The following TRDN variants were observed in gnomAD, a reference collection of about 807,000 sequenced individuals.
The protein encoded by TRDN is triadin in skeletal muscle.
In TRDN, 161 loss-of-function variants were observed where a neutral mutation model predicts 149.7. That is an observed-to-expected ratio of 1.08 (90% CI 0.95 to 1.23). The LOEUF (loss-of-function observed/expected upper bound fraction) is 1.23. Ranked by LOEUF, TRDN falls within the 50% of genes most tolerant of loss-of-function variation. The pLI is 0.00. For synonymous variants in TRDN, 294 were observed against 250.5 expected, an observed-to-expected ratio of 1.17 and a Z score of -1.64; for missense variants, 896 against 823.5, an observed-to-expected ratio of 1.09 and a Z score of -1.08.
At chr6:123,259,829 C>T (rs983175537) in intron 34 of TRDN, among the ~76,000 whole-genome samples, 167 bp from the exon 35 acceptor site, 2 of 151,816 alleles carry the variant, frequency 1.3e-5, no homozygotes, top group South Asian at 2.1e-4. Context: ...ATGTAGTCAC[C>T]TATAGGGTCA....
At chr6:123,342,113 C>T (rs1780085100) in intron 21 of TRDN, among the ~76,000 whole-genome samples, 1 of 151,854 alleles carries the variant, frequency 6.6e-6, no homozygotes, top group South Asian at 2.1e-4. Flanking sequence ...ATATTCTTAT[C>T]CTTATGCGCC....
chr6:123,467,034 G>A (rs554404891), intron 9 of TRDN, among the ~76,000 whole-genome samples: 1 of 151,874 alleles, frequency 6.6e-6, no homozygotes, highest in Non-Finnish European at 1.5e-5. Flanking sequence ...GAAATATAAA[G>A]TTATTACTTT....
Position 123,584,585 on chromosome 6 carries a change from G to GA in TRDN, c.23-13454dup, listed in dbSNP as rs553192867. On this transcript the variant is annotated intron_variant, in intron 1 of 40. Transcript: ENST00000334268. Reference sequence around the variant, plus strand: ...AGGGAACGCACGTGTGTTTTTATGAGATTATGCCGAGATAGGTAACAGATG... The same window carrying GA: ...AGGGAACGCACGTGTGTTTTTATGAGAATTATGCCGAGATAGGTAACAGATG... Among the ~76,000 whole-genome samples, 1,374 of 152,076 alleles carry GA rather than the reference G, an allele frequency of 9.0e-3. 8 individuals are homozygous for GA. The highest frequency in any genetic ancestry group is 0.017 in the African/African-American group (687 of 41,448).
chr6:123,308,033 C>T (rs961717122), intron 24 of TRDN, among the ~76,000 whole-genome samples: 1 of 151,832 alleles, frequency 6.6e-6, no homozygotes, highest in African/African-American at 2.4e-5. Flanking sequence ...CTCTAGTAGT[C>T]CTAAGTGTCT....
At chr6:123,289,370 AAAG>A (rs1777918457) in intron 24 of TRDN, among the ~76,000 whole-genome samples, 1 of 152,028 alleles carries the variant, frequency 6.6e-6, no homozygotes, top group Non-Finnish European at 1.5e-5. Flanking sequence ...AAAAGGGTGC[AAAG>A]TTTCAGTTAA....
chr6:123,441,610 A>C (rs2114606492), intron 10 of TRDN, among the ~76,000 whole-genome samples: 1 of 152,282 alleles, frequency 6.6e-6, no homozygotes, highest in Non-Finnish European at 1.5e-5. Context: ...CTTCTGCATA[A>C]ATTAACATCA....
intron 12 of TRDN, among the ~76,000 whole-genome samples, chr6:123,408,685 A>T (rs1350182272): frequency 6.6e-6 from 1 of 151,944 alleles, no homozygotes; most frequent in East Asian, 1.9e-4. Context: ...TCTCAAAAAA[A>T]AAAAAAAGAA....
chr6:123,551,832 A>G (rs976195697), intron 2 of TRDN, among the ~76,000 whole-genome samples: 2 of 152,138 alleles, frequency 1.3e-5, no homozygotes, highest in African/African-American at 4.8e-5. Flanking sequence ...GCTGTCAAAC[A>G]AAAAACATAA....
intron 10 of TRDN, among the ~76,000 whole-genome samples, chr6:123,447,394 T>C (rs1222325440): frequency 2.0e-5 from 3 of 152,108 alleles, no homozygotes; most frequent in Non-Finnish European, 4.4e-5. Context: ...AATAAGGACT[T>C]TGAGAAACAG....
chr6:123,609,882 T>A (rs377175285), intron 1 of TRDN, among the ~76,000 whole-genome samples: 164 of 152,260 alleles, frequency 1.1e-3, no homozygotes, highest in African/African-American at 3.7e-3. Flanking sequence ...CCTTCTACTG[T>A]ATCTAGCTAA....
chr6:123,371,725 G>A (rs572142203), intron 19 of TRDN, among the ~76,000 whole-genome samples: 2 of 152,002 alleles, frequency 1.3e-5, no homozygotes, highest in African/African-American at 4.8e-5. Context: ...TTTCAGTTTG[G>A]GGCTGGCACT....
At chr6:123,325,230 AATC>A (rs1779397521) in intron 23 of TRDN, among the ~76,000 whole-genome samples, 1 of 152,136 alleles carries the variant, frequency 6.6e-6, no homozygotes, top group African/African-American at 2.4e-5. Context: ...AATCTTGGCT[AATC>A]ATTTAATCTT....
At chr6:123,260,394 G>A (rs905994527) in intron 34 of TRDN, among the ~76,000 whole-genome samples, 1 of 151,872 alleles carries the variant, frequency 6.6e-6, no homozygotes, top group Non-Finnish European at 1.5e-5. Context: ...AATATTTAAT[G>A]GGTGACTTAT....
chr6:123,427,469 C>T (rs1356220957), intron 12 of TRDN, among the ~76,000 whole-genome samples: 1 of 151,990 alleles, frequency 6.6e-6, no homozygotes, highest in Non-Finnish European at 1.5e-5. Context: ...TGTAATCCTT[C>T]TTCTTACAGG....
At chr6:123,242,559 C>G (rs182879549) in intron 38 of TRDN, among the ~76,000 whole-genome samples, 52 of 152,100 alleles carry the variant, frequency 3.4e-4, no homozygotes, top group Middle Eastern at 3.4e-3. Context: ...TCAGCTAATA[C>G]GAGCCTCTTC....
At chr6:123,614,084 T>TG (rs984614634) in intron 1 of TRDN, among the ~76,000 whole-genome samples, 7 of 151,902 alleles carry the variant, frequency 4.6e-5, no homozygotes, top group East Asian at 3.9e-4. Context: ...CCTCAGTACC[T>TG]GGGGGGCTTG....
chr6:123,267,766 C>A lies in TRDN; in HGVS notation c.1739-15G>T. On this transcript the variant is annotated splice_polypyrimidine_tract_variant and intron_variant, in intron 31 of 40. Transcript: ENST00000334268. Reference sequence around the variant, plus strand: ...TTCAGCTTTTTCTAGAGAAAGAAATCAAAATTCACTGGCAATCTGTGGATT... The same window carrying A: ...TTCAGCTTTTTCTAGAGAAAGAAATAAAAATTCACTGGCAATCTGTGGATT... The A allele has an allele frequency of 6.4e-7, 1 of 1,557,668 alleles. No individual in the cohort carries two copies. Among genetic ancestry groups the A allele is most frequent in the Non-Finnish European group, 8.7e-7 (1 of 1,150,832 alleles).
At chr6:123,636,653 C>A (rs1786333458) in intron 1 of TRDN, 101 bp downstream of exon 1, 2 of 1,431,064 alleles carry the variant, frequency 1.4e-6, no homozygotes, top group East Asian at 2.3e-5. Flanking sequence ...AGGCAATTAC[C>A]TTAAAGCAAC....
intron 10 of TRDN, chr6:123,442,047 A>T (rs1774923178): frequency 6.6e-6 from 1 of 152,226 alleles, no homozygotes; most frequent in Non-Finnish European, 1.5e-5. Flanking sequence ...TGACCATGGA[A>T]AATTTTACAT....
Sources: gnomAD v4.1 joint callset for allele counts (sites outside exome capture counted in the v4.1 genomes callset) on GRCh38, gnomAD v4.1.1 for gene constraint, MANE v1.5 for transcripts, NCBI Gene and HGNC (gene_info 2026-07-23, HGNC 2026-07-21) for gene names.